Variants in HSD17B11 observed in about 807,000 individuals in gnomAD.
The protein encoded by HSD17B11 is hydroxysteroid 17-beta dehydrogenase 11.
A neutral mutation model predicts 27.8 loss-of-function variants in HSD17B11; 22 were observed. That is an observed-to-expected ratio of 0.79 (90% CI 0.56 to 1.13). The LOEUF (loss-of-function observed/expected upper bound fraction) is 1.13, where lower values mean the gene tolerates loss of function less well. Ranked by LOEUF, HSD17B11 falls within the 50% of genes most tolerant of loss-of-function variation. The probability of loss-of-function intolerance (pLI) is 0.00; values close to 1 mark genes in which losing one functional copy is unlikely to be tolerated. For missense variants in HSD17B11, 314 were observed against 351.1 expected, an observed-to-expected ratio of 0.89 and a Z score of 0.84; for synonymous variants, 117 against 132.8, an observed-to-expected ratio of 0.88 and a Z score of 0.82.
At chr4:87,356,963 C>A (rs890442347) in intron 5 of HSD17B11, among the ~76,000 whole-genome samples, 1 of 152,088 alleles carries the variant, frequency 6.6e-6, no homozygotes, top group African/African-American at 2.4e-5. Flanking sequence ...GAGGGTGAAG[C>A]CCCAACATAG....
intron 2 of HSD17B11, among the ~76,000 whole-genome samples, chr4:87,379,145 C>T (rs978947802): frequency 6.8e-6 from 1 of 147,474 alleles, no homozygotes; most frequent in Admixed American, 7.0e-5. Context: ...TTTATAGAGA[C>T]AGGGTTTCAT....
intron 4 of HSD17B11, among the ~76,000 whole-genome samples, chr4:87,370,060 T>C (rs1378052804): frequency 1.3e-5 from 2 of 152,192 alleles, no homozygotes; most frequent in Non-Finnish European, 2.9e-5. Context: ...TTTCCTAAGA[T>C]AGGCTACTAG....
At chr4:87,380,209 G>T (rs111901049) in intron 2 of HSD17B11, among the ~76,000 whole-genome samples, 5,931 of 150,742 alleles carry the variant, frequency 0.039, 419 homozygotes, top group African/African-American at 0.14. Flanking sequence ...TCATTATTAA[G>T]AAATATACAA....
chr4:87,390,777 G>A, intron 1 of HSD17B11, 84 bp downstream of exon 1: 1 of 1,161,178 alleles, frequency 8.6e-7, no homozygotes, highest in South Asian at 1.3e-5. Context: ...TTGCAGAGAT[G>A]AGGTAAAGGG....
intron 1 of HSD17B11, among the ~76,000 whole-genome samples, chr4:87,383,392 TAC>T (rs370807358): frequency 9.8e-5 from 15 of 152,296 alleles, no homozygotes; most frequent in African/African-American, 3.4e-4. Context: ...GAGAGGCAGT[TAC>T]AGTGATTCAG....
chr4:87,356,138 A>C (rs72652029), intron 5 of HSD17B11, among the ~76,000 whole-genome samples: 98 of 152,108 alleles, frequency 6.4e-4, no homozygotes, highest in African/African-American at 2.3e-3. Context: ...AGAAGTAGAG[A>C]GTAAGTTGCT....
intron 4 of HSD17B11, among the ~76,000 whole-genome samples, chr4:87,369,422 A>G (rs1735667502): frequency 1.4e-5 from 2 of 145,854 alleles, no homozygotes. Context: ...AGTACTTCTT[A>G]TTCCAAATTC....
At chr4:87,385,082 C>T (rs1720273110) in intron 1 of HSD17B11, among the ~76,000 whole-genome samples, 1 of 152,248 alleles carries the variant, frequency 6.6e-6, no homozygotes, top group Admixed American at 6.5e-5. Context: ...TTACTGAAAT[C>T]TCCCTCACAA....
intron 4 of HSD17B11, among the ~76,000 whole-genome samples, chr4:87,370,756 T>TA (rs1553959710): frequency 0.23 from 4,098 of 17,640 alleles, 517 homozygotes; most frequent in African/African-American, 0.38. Flanking sequence ...ATTATTATTA[T>TA]TTTTTTTTTT....
intron 2 of HSD17B11, among the ~76,000 whole-genome samples, chr4:87,376,111 A>G (rs1203539643): frequency 6.6e-6 from 1 of 152,242 alleles, no homozygotes; most frequent in Non-Finnish European, 1.5e-5. Context: ...AACTGCTATT[A>G]CTATCATTAT....
chr4:87,390,020 G>A (rs1185287227), intron 1 of HSD17B11, among the ~76,000 whole-genome samples: 1 of 151,920 alleles, frequency 6.6e-6, no homozygotes, highest in African/African-American at 2.4e-5. Flanking sequence ...AGTGCAGTGG[G>A]GCGTTTACAG....
chr4:87,383,035 C>CG (rs1330442315), intron 1 of HSD17B11, among the ~76,000 whole-genome samples: 3 of 152,236 alleles, frequency 2.0e-5, no homozygotes, highest in African/African-American at 7.2e-5. Context: ...CAGGGAGTTA[C>CG]GGGAACACAG....
At position 87,353,045 on chromosome 4, in the gene HSD17B11, G is replaced by A. The variant is rs1411538307; in HGVS notation, c.695+4234C>T. 1.2e-4 allele frequency among the ~76,000 whole-genome samples: 12 copies of A among 100,636 alleles called. 2 individuals carry two copies. In the South Asian group the frequency reaches 2.6e-3, roughly 22 times the overall value. 66.0% of individuals were successfully genotyped at this position (100,636 alleles called of 152,430 possible). On this transcript the variant is annotated intron_variant, in intron 5 of 6. Coordinates refer to ENST00000358290, the MANE Select transcript of HSD17B11 (RefSeq NM_016245.5). ...TGGCACTCCCTAGTGAGATGAACCC[G>A]GTACCTCAGATGGAAATGCAGAAAT...
chr4:87,342,308 G>C (rs2110112501), intron 5 of HSD17B11, among the ~76,000 whole-genome samples: 1 of 151,792 alleles, frequency 6.6e-6, no homozygotes, highest in South Asian at 2.1e-4. Context: ...CTAGAACCCA[G>C]GAGGCAGAGA....
intron 2 of HSD17B11, among the ~76,000 whole-genome samples, chr4:87,376,377 C>T (rs927799068): frequency 8.6e-5 from 13 of 151,712 alleles, no homozygotes; most frequent in African/African-American, 2.7e-4. Flanking sequence ...TGGTGGTGTA[C>T]GCCTGTAATC....
At chr4:87,353,427 C>T (rs1305569098) in intron 5 of HSD17B11, among the ~76,000 whole-genome samples, 2 of 152,204 alleles carry the variant, frequency 1.3e-5, no homozygotes, top group Non-Finnish European at 2.9e-5. Context: ...AACATGTTCT[C>T]TCTTCTAATT....
rs1204509227 is a variant in HSD17B11, at chr4:87,347,275, TC to T, written c.696-6670del. 4.7e-5 allele frequency among the ~76,000 whole-genome samples: 3 copies of T among 63,964 alleles called. No individual in the cohort carries two copies. In the East Asian group the frequency reaches 9.1e-4, roughly 19 times the overall value. The allele number at this position is 63,964 out of a possible 152,430, so 42.0% of individuals were successfully genotyped here. On this transcript the variant is annotated intron_variant, in intron 5 of 6. Coordinates refer to ENST00000358290, the MANE Select transcript of HSD17B11 (RefSeq NM_016245.5). ...ATCTCCCAATGCTATCCCTCCCCAC[TC>T]CCCCGACCCCACCACAGTCCCCAGA...
chr4:87,338,648 A>G (rs1735102091), intron 6 of HSD17B11, among the ~76,000 whole-genome samples: 1 of 152,080 alleles, frequency 6.6e-6, no homozygotes, highest in Non-Finnish European at 1.5e-5. Flanking sequence ...CAATTCTCCC[A>G]CTTCAGCCTC....
At chr4:87,374,621 C>T in intron 3 of HSD17B11, 78 bp downstream of exon 3, 1 of 1,373,700 alleles carries the variant, frequency 7.3e-7, no homozygotes, top group Non-Finnish European at 1.0e-6. Flanking sequence ...TTTAATACTT[C>T]CTTATGTCTG....
Sources: allele counts gnomAD v4.1 joint callset (sites outside exome capture counted in the v4.1 genomes callset), GRCh38; gene constraint gnomAD v4.1.1; transcripts MANE v1.5; gene names NCBI Gene and HGNC (gene_info 2026-07-23, HGNC 2026-07-21).